The following ST6GALNAC5 variants were observed in gnomAD, a reference collection of about 807,000 sequenced individuals.
The protein encoded by ST6GALNAC5 is ST6 N-acetylgalactosaminide alpha-2,6-sialyltransferase 5, also known as alpha-N-acetylgalactosaminide alpha-2,6-sialyltransferase 5.
ST6GALNAC5 carries 27 observed loss-of-function variants against 33.6 expected under a neutral mutation model. The observed-to-expected ratio is 0.80, with a 90% CI of 0.59 to 1.11. The LOEUF (loss-of-function observed/expected upper bound fraction) is 1.11. Ranked by LOEUF, ST6GALNAC5 falls within the 50% of genes least tolerant of loss-of-function variation. The pLI is 0.00. For missense variants in ST6GALNAC5, 428 were observed against 454.0 expected (o/e 0.94, Z 0.52); for synonymous variants, 194 against 171.2 (o/e 1.13, Z -1.04).
intron 2 of ST6GALNAC5, among the ~76,000 whole-genome samples, chr1:76,974,941 A>G (rs1648944721): frequency 1.3e-5 from 2 of 151,472 alleles, no homozygotes; most frequent in Non-Finnish European, 2.9e-5. Flanking sequence ...ATGCACCACC[A>G]TGCCCGGCTA....
intron 2 of ST6GALNAC5, among the ~76,000 whole-genome samples, chr1:76,944,876 G>A (rs1162812351): frequency 1.3e-5 from 2 of 151,520 alleles, no homozygotes; most frequent in African/African-American, 4.8e-5. Flanking sequence ...TTCAACTGAG[G>A]GAAAAAAAAA....
At chr1:76,926,693 A>G (rs763682422) in intron 2 of ST6GALNAC5, among the ~76,000 whole-genome samples, 32 of 152,126 alleles carry the variant, frequency 2.1e-4, no homozygotes, top group Non-Finnish European at 4.1e-4. Context: ...TCCTTGATAT[A>G]AATTTCTAGA....
chr1:76,957,684 A>T (rs555340874), intron 2 of ST6GALNAC5, among the ~76,000 whole-genome samples: 2 of 150,178 alleles, frequency 1.3e-5, no homozygotes, highest in South Asian at 2.1e-4. Flanking sequence ...ACCCCTAAAT[A>T]CTTCAGCTGC....
intron 2 of ST6GALNAC5, among the ~76,000 whole-genome samples, chr1:76,974,653 T>A (rs1648923510): frequency 6.6e-6 from 1 of 151,672 alleles, no homozygotes; most frequent in Non-Finnish European, 1.5e-5. Flanking sequence ...TTCTGTATGT[T>A]AGTTTATAAC....
At chr1:76,955,871 G>A (rs754132891) in intron 2 of ST6GALNAC5, among the ~76,000 whole-genome samples, 2 of 152,116 alleles carry the variant, frequency 1.3e-5, no homozygotes, top group Non-Finnish European at 1.5e-5. Context: ...AAACAGCAGG[G>A]GTTATATAGG....
chr1:76,938,176 A>G (rs1156418167), intron 2 of ST6GALNAC5, among the ~76,000 whole-genome samples: 1 of 152,066 alleles, frequency 6.6e-6, no homozygotes, highest in Non-Finnish European at 1.5e-5. Context: ...GTAAGACAGC[A>G]CTAGTACCTT....
intron 2 of ST6GALNAC5, among the ~76,000 whole-genome samples, chr1:77,021,714 T>C (rs1201932253): frequency 1.3e-5 from 2 of 152,214 alleles, no homozygotes; most frequent in African/African-American, 4.8e-5. Context: ...CTTAGACCAT[T>C]ACTCTAGTTG....
chr1:77,061,914 G>A (rs1052886144), intron 4 of ST6GALNAC5, among the ~76,000 whole-genome samples: 1 of 152,162 alleles, frequency 6.6e-6, no homozygotes, highest in African/African-American at 2.4e-5. Flanking sequence ...CAAGGACTGA[G>A]GATGTAGAGT....
intron 2 of ST6GALNAC5, among the ~76,000 whole-genome samples, chr1:77,019,431 G>A (rs947161493): frequency 8.5e-5 from 13 of 152,144 alleles, no homozygotes; most frequent in Admixed American, 3.3e-4. Context: ...TGTGAGACTC[G>A]CAAAATCTCA....
At chr1:76,907,657 C>G (rs1395252448) in intron 2 of ST6GALNAC5, among the ~76,000 whole-genome samples, 2 of 152,146 alleles carry the variant, frequency 1.3e-5, no homozygotes, top group Admixed American at 6.6e-5. Context: ...TCCTCCAACT[C>G]TATCCAAGGG....
intron 2 of ST6GALNAC5, among the ~76,000 whole-genome samples, chr1:76,884,974 C>T (rs924076366): frequency 5.9e-5 from 9 of 152,110 alleles, no homozygotes; most frequent in Non-Finnish European, 1.0e-4. Flanking sequence ...AGTTATACAT[C>T]GCAATACTGA....
chr1:77,057,172 A>G (rs1461970147), intron 4 of ST6GALNAC5, among the ~76,000 whole-genome samples: 1 of 152,198 alleles, frequency 6.6e-6, no homozygotes, highest in Non-Finnish European at 1.5e-5. Context: ...AGAGTGTCTA[A>G]GAGTTCTAGA....
intron 2 of ST6GALNAC5, among the ~76,000 whole-genome samples, chr1:77,001,659 C>T (rs1237336046): frequency 6.6e-6 from 1 of 151,828 alleles, no homozygotes; most frequent in Non-Finnish European, 1.5e-5. Context: ...TTTGAAATAC[C>T]TCCCATCAAT....
At chr1:77,050,109 A>G (rs1652170598) in intron 3 of ST6GALNAC5, 149 bp from the exon 4 acceptor site, 3 of 624,224 alleles carry the variant, frequency 4.8e-6, no homozygotes, top group Admixed American at 2.6e-5. Context: ...AGAGATGTCA[A>G]TTTGATAAAG....
chr1:77,024,277 C>T (rs936411440), intron 2 of ST6GALNAC5, among the ~76,000 whole-genome samples: 1 of 152,158 alleles, frequency 6.6e-6, no homozygotes, highest in Non-Finnish European at 1.5e-5. Context: ...CCCACCAAAC[C>T]GCATGTTGGT....
intron 2 of ST6GALNAC5, among the ~76,000 whole-genome samples, chr1:76,989,099 G>T (rs1475900745): frequency 6.6e-6 from 1 of 152,038 alleles, no homozygotes; most frequent in African/African-American, 2.4e-5. Flanking sequence ...CTGCCGAAAG[G>T]ATTCTTTATC....
intron 2 of ST6GALNAC5, among the ~76,000 whole-genome samples, chr1:77,029,256 A>G (rs1409218609): frequency 6.6e-6 from 1 of 152,232 alleles, no homozygotes; most frequent in African/African-American, 2.4e-5. Context: ...AACAACGAGT[A>G]TAGTTACATT....
chr1:76,966,333 G>T (rs892193426), intron 2 of ST6GALNAC5, among the ~76,000 whole-genome samples: 2 of 152,142 alleles, frequency 1.3e-5, no homozygotes, highest in African/African-American at 4.8e-5. Context: ...TTGTAAGTTG[G>T]ATTTCTAAGT....
intron 2 of ST6GALNAC5, among the ~76,000 whole-genome samples, chr1:77,010,593 G>T (rs759618493): frequency 7.2e-5 from 11 of 152,140 alleles, no homozygotes; most frequent in Non-Finnish European, 1.5e-4. Context: ...GCTCTGAGAC[G>T]TGTTCTTCCT....
Sources: allele counts gnomAD v4.1 joint callset (sites outside exome capture counted in the v4.1 genomes callset), GRCh38; gene constraint gnomAD v4.1.1; transcripts MANE v1.5; gene names NCBI Gene and HGNC (gene_info 2026-07-23, HGNC 2026-07-21).